COBLL1: variants seen among roughly 807,000 people sequenced by gnomAD.
The protein encoded by COBLL1 is cordon-bleu protein-like 1.
A neutral mutation model predicts 94.8 loss-of-function variants in COBLL1; 50 were observed. That is an observed-to-expected ratio of 0.53 (90% CI 0.42 to 0.67). The LOEUF (loss-of-function observed/expected upper bound fraction) is 0.67, where lower values mean the gene tolerates loss of function less well. Ranked by LOEUF, COBLL1 falls within the 30% of genes least tolerant of loss-of-function variation. COBLL1 has a pLI of 0.00. For missense variants in COBLL1, 1,362 were observed against 1,348.7 expected, an observed-to-expected ratio of 1.01 and a Z score of -0.15; for synonymous variants, 448 against 473.8, an observed-to-expected ratio of 0.95 and a Z score of 0.71.
chr2:164,814,776 T>C (rs934153905), intron 2 of COBLL1, among the ~76,000 whole-genome samples: 1 of 152,142 alleles, frequency 6.6e-6, no homozygotes, highest in African/African-American at 2.4e-5. Context: ...TTTCCTCCAT[T>C]AAAAGTAAAC....
chr2:164,805,468 G>A (rs917541616), intron 2 of COBLL1, among the ~76,000 whole-genome samples: 2 of 148,348 alleles, frequency 1.3e-5, no homozygotes, highest in Admixed American at 6.8e-5. Context: ...TGGTTTTACC[G>A]CCCTAAAAAT....
chr2:164,821,282 C>T (rs1574652473), intron 2 of COBLL1, among the ~76,000 whole-genome samples: 1 of 152,166 alleles, frequency 6.6e-6, no homozygotes, highest in Non-Finnish European at 1.5e-5. Flanking sequence ...TGAGAGAGAA[C>T]ACCTTCCCAC....
At chr2:164,828,822 T>C (rs566350101) in intron 2 of COBLL1, among the ~76,000 whole-genome samples, 1 of 152,362 alleles carries the variant, frequency 6.6e-6, no homozygotes, top group African/African-American at 2.4e-5. Context: ...CCATGTGTCA[T>C]GTAATATGTT....
chr2:164,706,821 G>A (rs1381248674), intron 7 of COBLL1, among the ~76,000 whole-genome samples: 2 of 152,130 alleles, frequency 1.3e-5, no homozygotes, highest in African/African-American at 4.8e-5. Context: ...CAACATAGCA[G>A]CAAAAAGAAT....
At chr2:164,839,165 T>C (rs1683463185) in intron 2 of COBLL1, among the ~76,000 whole-genome samples, 1 of 152,242 alleles carries the variant, frequency 6.6e-6, no homozygotes, top group African/African-American at 2.4e-5. Flanking sequence ...TTATTTTAGA[T>C]AAGGTGTTGA....
At chr2:164,835,028 C>T (rs573328999) in intron 2 of COBLL1, among the ~76,000 whole-genome samples, 165 of 151,880 alleles carry the variant, frequency 1.1e-3, no homozygotes, top group Admixed American at 2.4e-3. Flanking sequence ...ACCTCATGTA[C>T]TTTTGGTGAA....
intron 2 of COBLL1, among the ~76,000 whole-genome samples, chr2:164,790,833 T>G (rs1683153202): frequency 6.6e-6 from 1 of 152,186 alleles, no homozygotes. Flanking sequence ...CATTGATCGC[T>G]GATGGGAAAA....
chr2:164,746,898 C>T (rs1289237979), intron 2 of COBLL1, among the ~76,000 whole-genome samples: 1 of 152,154 alleles, frequency 6.6e-6, no homozygotes, highest in Non-Finnish European at 1.5e-5. Flanking sequence ...CTCTGCTTTA[C>T]TTTTGGCCAC....
chr2:164,699,418 T>C lies in COBLL1; in HGVS notation c.1542A>G (p.Pro514=). The change falls in exon 11 of 14, where the codon CCA becomes CCG. Residue 514 remains proline, a synonymous_variant. Coordinates refer to ENST00000652658, the MANE Select transcript of COBLL1 (RefSeq NM_001365672.2). ...DSIRNLKSLG[P]NQENVVQNEI... ...TATATAACTCACCATTCTCTTGGTT[T>C]GGGCCCAACGACTTCAAGTTTCTTA... 6.2e-7 allele frequency: 1 copy of C among 1,607,096 alleles called. No homozygotes were observed. The highest frequency in any genetic ancestry group is 1.3e-5 in the African/African-American group (1 of 74,892).
chr2:164,722,813 G>C (rs1231995587), intron 5 of COBLL1: 1 of 183,656 alleles, frequency 5.4e-6, no homozygotes, highest in East Asian at 1.4e-4. Flanking sequence ...CTCAGAGTCT[G>C]TGTTCTGCTT....
At chr2:164,820,854 C>T (rs1410337604) in intron 2 of COBLL1, among the ~76,000 whole-genome samples, 1 of 151,992 alleles carries the variant, frequency 6.6e-6, no homozygotes, top group African/African-American at 2.4e-5. Flanking sequence ...TAATAATCTG[C>T]CTTGTTTCAG....
chr2:164,726,279 C>T (rs556372172), intron 5 of COBLL1, among the ~76,000 whole-genome samples: 1 of 152,032 alleles, frequency 6.6e-6, no homozygotes, highest in African/African-American at 2.4e-5. Flanking sequence ...TTCTAATCTC[C>T]TATTATTATA....
chr2:164,702,575 A>AAATAAT (rs1273369266), intron 9 of COBLL1, among the ~76,000 whole-genome samples: 373 of 135,000 alleles, frequency 2.8e-3, no homozygotes, highest in African/African-American at 4.0e-3. Context: ...AAAAAAAAAA[A>AAATAAT]AATAATAATA....
At chr2:164,701,274 A>G (rs1431017069) in intron 9 of COBLL1, among the ~76,000 whole-genome samples, 3 of 152,194 alleles carry the variant, frequency 2.0e-5, no homozygotes. Context: ...CCACAAAATC[A>G]GAATCTCTGA....
intron 11 of COBLL1, chr2:164,697,267 A>G (rs968100847): frequency 6.6e-6 from 1 of 152,120 alleles, no homozygotes; most frequent in African/African-American, 2.4e-5. Context: ...CTTCCCAGAT[A>G]AAATGCAACT....
chr2:164,660,648 G>A (rs1691055573), intron 2 of COBLL1, among the ~76,000 whole-genome samples: 1 of 152,144 alleles, frequency 6.6e-6, no homozygotes, highest in Non-Finnish European at 1.5e-5. Flanking sequence ...GTAATCAAGA[G>A]TTGACTGGTA....
Position 164,841,652 on chromosome 2 carries a change from C to A in COBLL1, c.-51+58G>T. ...GCACAAACAAAACGCCCTAGGAAAA[C>A]TTTTCCCGAAGAGAAGTTGGGAGGG... On this transcript the variant is annotated intron_variant, in intron 1 of 13. Coordinates refer to ENST00000652658, the MANE Select transcript of COBLL1 (RefSeq NM_001365672.2). The surrounding 1 kb of genome is among the most constrained non-coding windows in gnomAD (Gnocchi z 5.5). 1 of 355,964 alleles carries A rather than the reference C, an allele frequency of 2.8e-6. No individual in the cohort carries two copies. The highest frequency in any genetic ancestry group is 4.9e-6 in the Non-Finnish European group (1 of 202,736). 22.1% of individuals were successfully genotyped at this position (355,964 alleles called of 1,614,324 possible). A position where few individuals can be genotyped will look rare whatever the true frequency, so the allele number is the denominator to read the frequency against.
intron 7 of COBLL1, among the ~76,000 whole-genome samples, chr2:164,707,937 G>A (rs1433695459): frequency 2.0e-5 from 3 of 152,016 alleles, no homozygotes; most frequent in African/African-American, 7.3e-5. Context: ...AGAGAGAAAG[G>A]GAAGCCTGCC....
chr2:164,820,896 G>T (rs964282665), intron 2 of COBLL1, among the ~76,000 whole-genome samples: 3 of 151,952 alleles, frequency 2.0e-5, no homozygotes. Flanking sequence ...GTTTTGTTTT[G>T]TTTTGTTTTG....
Sources: gnomAD v4.1 joint callset for allele counts (sites outside exome capture counted in the v4.1 genomes callset) on GRCh38, gnomAD v4.1.1 for gene constraint, Gnocchi (gnomAD v3.1) non-coding constraint, MANE v1.5 for transcripts, NCBI Gene and HGNC (gene_info 2026-07-23, HGNC 2026-07-21) for gene names.